The following KIAA1217 variants were observed in gnomAD, a reference collection of about 807,000 sequenced individuals.
KIAA1217 encodes the protein KIAA1217, also known as sickle tail protein homolog.
Under a neutral mutation model 163.9 loss-of-function variants are expected in KIAA1217, and 88 were observed. The observed-to-expected ratio is 0.54, with a 90% CI of 0.45 to 0.64. KIAA1217 has a LOEUF of 0.64. KIAA1217 is among the 30% of genes least tolerant of loss of function. The pLI is 0.00. For missense variants in KIAA1217, 2,372 were observed against 2,475.0 expected (o/e 0.96, Z 0.88); for synonymous variants, 903 against 923.1 (o/e 0.98, Z 0.39).
At chr10:24,337,645 CTTTTCTTTTT>C (rs2046551957) in intron 2 of KIAA1217, among the ~76,000 whole-genome samples, 1 of 42,404 alleles carries the variant, frequency 2.4e-5, no homozygotes. Flanking sequence ...CTTTTCTTTT[CTTTTCTTTTT>C]TTTTTTTGAG....
At chr10:23,723,740 G>T (rs1192059694) in intron 1 of KIAA1217, among the ~76,000 whole-genome samples, 1 of 152,112 alleles carries the variant, frequency 6.6e-6, no homozygotes, top group Non-Finnish European at 1.5e-5. Context: ...AGAAAGCCTT[G>T]TAGTTGTACA....
In KIAA1217 at chr10:24,473,699, A is replaced by G. The variant is rs947807717; in HGVS notation, c.1318A>G (p.Met440Val). The change falls in exon 6 of 21, where the codon ATG becomes GTG. Residue 440 changes from methionine (M) to valine (V), a missense_variant. Physicochemically the swap from Met to Val is conservative, Grantham distance 21 (BLOSUM62 1). Around this residue, in one of 3 missense-constraint regions of KIAA1217, gnomAD observed 1,431 missense variants for 1,470.3 expected, o/e 0.97. Transcript: ENST00000376454. Reference protein sequence around the residue: ...RSASAYCNPSMQAEMHMEQSL... With the variant: ...RSASAYCNPSVQAEMHMEQSL... ...AGCGAGTGCTTATTGTAACCCCTCAATGCAAGCGGAAATGCATATGGAACA... is the reference window on the plus strand; with the variant it reads ...AGCGAGTGCTTATTGTAACCCCTCAGTGCAAGCGGAAATGCATATGGAACA... 1.2e-6 allele frequency: 2 copies of G among 1,614,088 alleles called. No homozygotes were observed. Among genetic ancestry groups the G allele is most frequent in the Non-Finnish European group, 1.7e-6 (2 of 1,180,016 alleles).
chr10:24,071,523 C>A (rs572718490), intron 2 of KIAA1217, among the ~76,000 whole-genome samples: 1 of 152,112 alleles, frequency 6.6e-6, no homozygotes. Context: ...TTCTTTACAA[C>A]TTAATATCTG....
Position 23,790,408 on chromosome 10 carries a change from C to T in KIAA1217, c.-321+95174C>T, listed in dbSNP as rs1219158839. Among the ~76,000 whole-genome samples the T allele has an allele frequency of 1.2e-4, 13 of 104,648 alleles. 3 individuals are homozygous for T. Among genetic ancestry groups the T allele is most frequent in the Non-Finnish European group, 2.0e-4 (11 of 54,816 alleles). 68.7% of individuals were successfully genotyped at this position (104,648 alleles called of 152,430 possible). On this transcript the variant is annotated intron_variant, in intron 1 of 18. Transcript: ENST00000376462. ...ATACATATGTATATATACATATATA[C>T]ATATACATATATACATATATACATA...
chr10:24,223,177 G>A (rs1031917291), intron 2 of KIAA1217, among the ~76,000 whole-genome samples: 2 of 152,094 alleles, frequency 1.3e-5, no homozygotes, highest in African/African-American at 2.4e-5. Context: ...TGTCTTAACC[G>A]TCTGGGAATG....
intron 6 of KIAA1217, among the ~76,000 whole-genome samples, chr10:24,484,241 A>ATATATATATATATATATTTTTTTTTTTTT (rs1376083298): frequency 1.3e-5 from 1 of 75,158 alleles, no homozygotes; most frequent in African/African-American, 4.9e-5. Context: ...ATATATATAT[A>ATATATATATATATATATTTTTTTTTTTTT]TTTTTTTTTT....
intron 2 of KIAA1217, among the ~76,000 whole-genome samples, chr10:24,099,586 T>TATATATATATATATATATATAA (rs1306527831): frequency 7.0e-6 from 1 of 143,456 alleles, no homozygotes; most frequent in South Asian, 2.2e-4. Flanking sequence ...TATATATATA[T>TATATATATATATATATATATAA]TATATATATA....
chr10:24,445,179 C>G (rs2060818914), intron 5 of KIAA1217, among the ~76,000 whole-genome samples: 1 of 152,090 alleles, frequency 6.6e-6, no homozygotes. Flanking sequence ...GGTGATAAAA[C>G]TGAAGCCAAA....
At chr10:23,814,369 A>G (rs1373450458) in intron 1 of KIAA1217, among the ~76,000 whole-genome samples, 4 of 152,176 alleles carry the variant, frequency 2.6e-5, no homozygotes, top group African/African-American at 9.7e-5. Context: ...GTTGGAATCC[A>G]GGTGTTCCTA....
At chr10:23,868,121 G>C (rs531093333) in intron 1 of KIAA1217, among the ~76,000 whole-genome samples, 1 of 152,040 alleles carries the variant, frequency 6.6e-6, no homozygotes, top group African/African-American at 2.4e-5. Flanking sequence ...GAATGCGCCC[G>C]ATCTCGTCTG....
intron 6 of KIAA1217, among the ~76,000 whole-genome samples, chr10:24,476,110 C>G (rs73604488): frequency 2.0e-5 from 3 of 151,978 alleles, no homozygotes; most frequent in African/African-American, 7.3e-5. Context: ...TGCATGAAAA[C>G]AGATTAGTTT....
intron 1 of KIAA1217, among the ~76,000 whole-genome samples, chr10:24,219,216 C>A (rs947164917): frequency 2.0e-5 from 3 of 152,106 alleles, no homozygotes; most frequent in African/African-American, 2.4e-5. Context: ...TGGACTCAAG[C>A]AGTTGTCTTG....
intron 3 of KIAA1217, among the ~76,000 whole-genome samples, chr10:24,427,754 C>A (rs781098964): frequency 1.3e-5 from 2 of 152,150 alleles, no homozygotes; most frequent in Non-Finnish European, 2.9e-5. Flanking sequence ...TAACTTGGAG[C>A]GAGGAAGCCT....
chr10:24,515,857 G>C (rs569395981), intron 10 of KIAA1217, among the ~76,000 whole-genome samples: 21 of 152,214 alleles, frequency 1.4e-4, no homozygotes, highest in Non-Finnish European at 1.5e-5. Flanking sequence ...GAATCACTTG[G>C]GACCAGGAAT....
chr10:23,729,123 C>T (rs1588676258), intron 1 of KIAA1217, among the ~76,000 whole-genome samples: 1 of 152,184 alleles, frequency 6.6e-6, no homozygotes, highest in African/African-American at 2.4e-5. Context: ...TTCATGGCTT[C>T]ATAGCTCATT....
At chr10:24,107,646 C>A (rs1030889435) in intron 2 of KIAA1217, among the ~76,000 whole-genome samples, 8 of 152,062 alleles carry the variant, frequency 5.3e-5, no homozygotes, top group Non-Finnish European at 8.8e-5. Flanking sequence ...TGATTTTGAG[C>A]GTTTTTTCAT....
chr10:24,535,202 A>G (rs540372771), intron 16 of KIAA1217, among the ~76,000 whole-genome samples: 9 of 152,298 alleles, frequency 5.9e-5, no homozygotes, highest in Non-Finnish European at 1.2e-4. Flanking sequence ...GCAGCTTTCT[A>G]AGTAAGCGGA....
intron 1 of KIAA1217, among the ~76,000 whole-genome samples, chr10:23,985,409 T>C (rs1190442531): frequency 1.3e-5 from 2 of 152,206 alleles, no homozygotes; most frequent in East Asian, 3.9e-4. Context: ...TGCCAACCTT[T>C]TGCCTCAAAA....
At chr10:24,022,600 C>T (rs1589246834) in intron 2 of KIAA1217, among the ~76,000 whole-genome samples, 1 of 151,698 alleles carries the variant, frequency 6.6e-6, no homozygotes, top group South Asian at 2.1e-4. Context: ...CCAGCAATCC[C>T]ATTCCCAGGT....
Sources: gnomAD v4.1 joint callset for allele counts (sites outside exome capture counted in the v4.1 genomes callset) on GRCh38, gnomAD v4.1.1 for gene constraint, gnomAD v4.1.1 regional missense constraint, MANE v1.5 for transcripts, NCBI Gene and HGNC (gene_info 2026-07-23, HGNC 2026-07-21) for gene names.